THADA: variants seen among roughly 807,000 people sequenced by gnomAD.
The protein encoded by THADA is THADA armadillo repeat containing.
THADA carries 213 observed loss-of-function variants against 219.8 expected under a neutral mutation model. The ratio of observed to expected loss-of-function variants is 0.97; its 90% confidence interval spans 0.87 to 1.09. The LOEUF (loss-of-function observed/expected upper bound fraction) is 1.09. THADA is among the 50% of genes least tolerant of loss of function. The pLI is 0.00. For synonymous variants in THADA, 1,018 were observed against 828.9 expected (o/e 1.23, Z -3.92); for missense variants, 2,956 against 2,311.3 (o/e 1.28, Z -5.72).
chr2:43,504,724 A>C (rs1432349806), intron 24 of THADA, among the ~76,000 whole-genome samples: 1 of 151,262 alleles, frequency 6.6e-6, no homozygotes, highest in Non-Finnish European at 1.5e-5. Flanking sequence ...CAAACTCCTG[A>C]CCTCAGCTGA....
chr2:43,460,242 A>T (rs1448404862), intron 26 of THADA, among the ~76,000 whole-genome samples: 3 of 115,798 alleles, frequency 2.6e-5, no homozygotes, highest in African/African-American at 1.1e-4. Context: ...TCTTAATAAA[A>T]AAAAAAAAAA....
rs1699947108 is a variant in THADA, at chr2:43,577,184, C to G, written c.875G>C (p.Ser292Thr). The G allele has an allele frequency of 1.9e-6, 3 of 1,607,088 alleles. No individual in the cohort carries two copies. Among genetic ancestry groups the G allele is most frequent in the Non-Finnish European group, 2.5e-6 (3 of 1,176,898 alleles). ...DCTSVPEWFM[S>T]SCRSLCCGDI... ...ACCACAACAGAGGCTCCTGCAGCTGCTCATAAACCACTCGGGGACACTGGT... is the reference window on the plus strand; with the variant it reads ...ACCACAACAGAGGCTCCTGCAGCTGGTCATAAACCACTCGGGGACACTGGT... Residue 292 changes from serine (S) to threonine (T), a missense_variant, in exon 10 of 38, where the codon AGC becomes ACC. Coordinates refer to ENST00000405975, the MANE Select transcript of THADA (RefSeq NM_022065.5).
At chr2:43,385,183 A>G (rs1295140867) in intron 29 of THADA, among the ~76,000 whole-genome samples, 1 of 146,514 alleles carries the variant, frequency 6.8e-6, no homozygotes, top group African/African-American at 2.8e-5. Context: ...ACAAAAAAAC[A>G]AAAAACAATT....
chr2:43,583,708 G>A (rs1163638262), intron 7 of THADA, among the ~76,000 whole-genome samples: 1 of 152,124 alleles, frequency 6.6e-6, no homozygotes, highest in East Asian at 1.9e-4. Context: ...AACATACAAT[G>A]GGATATTATT....
chr2:43,592,086 C>A, intron 2 of THADA, 40 bp from the exon 3 acceptor site: 1 of 1,463,188 alleles, frequency 6.8e-7, no homozygotes, highest in Non-Finnish European at 9.2e-7. Context: ...AATGATTTAA[C>A]AGTGAGTTAA....
intron 28 of THADA, among the ~76,000 whole-genome samples, chr2:43,413,545 G>GAACA (rs1391337603): frequency 6.6e-6 from 1 of 152,134 alleles, no homozygotes; most frequent in Admixed American, 6.6e-5. Context: ...TCTAGTTGTG[G>GAACA]AACATATCAA....
chr2:43,592,517 G>T, intron 1 of THADA, 101 bp from the exon 2 acceptor site: 1 of 644,892 alleles, frequency 1.6e-6, no homozygotes, highest in Non-Finnish European at 2.6e-6. Flanking sequence ...ATCATCCTAT[G>T]CATTATGTTT....
intron 26 of THADA, among the ~76,000 whole-genome samples, chr2:43,481,044 G>A (rs556632902): frequency 4.6e-5 from 7 of 152,264 alleles, no homozygotes; most frequent in African/African-American, 1.2e-4. Flanking sequence ...AAACAATAGC[G>A]TGGGTAACCA....
chr2:43,367,225 T>C (rs1256779176), intron 29 of THADA, among the ~76,000 whole-genome samples: 1 of 152,216 alleles, frequency 6.6e-6, no homozygotes, highest in Non-Finnish European at 1.5e-5. Flanking sequence ...AGAGTTTCAG[T>C]TCTGCAAGAT....
chr2:43,303,628 G>A (rs1676507508), intron 31 of THADA, among the ~76,000 whole-genome samples: 1 of 150,460 alleles, frequency 6.6e-6, no homozygotes, highest in African/African-American at 2.4e-5. Context: ...CTTTAACAAG[G>A]GCATTCTGAA....
intron 15 of THADA, chr2:43,563,930 G>T (rs538709586): frequency 6.6e-6 from 1 of 152,110 alleles, no homozygotes; most frequent in Admixed American, 6.6e-5. Flanking sequence ...ACATAATTAC[G>T]ATGGCATTAA....
intron 28 of THADA, among the ~76,000 whole-genome samples, chr2:43,406,959 G>A (rs180873228): frequency 1.3e-5 from 2 of 152,274 alleles, no homozygotes; most frequent in Admixed American, 6.5e-5. Context: ...GTTTCTGCTC[G>A]GGCTACACAA....
intron 36 of THADA, among the ~76,000 whole-genome samples, chr2:43,278,626 A>G (rs1672995730): frequency 6.6e-6 from 1 of 152,216 alleles, no homozygotes; most frequent in Non-Finnish European, 1.5e-5. Context: ...AAGCTGATCT[A>G]GGCGAAACCT....
chr2:43,560,472 TA>T (rs1697928114), intron 15 of THADA, 87 bp from the exon 16 acceptor site: 8 of 1,016,192 alleles, frequency 7.9e-6, no homozygotes, highest in Non-Finnish European at 1.1e-5. Context: ...TTATAGAAAA[TA>T]AGTACCAAAA....
At chr2:43,373,284 C>G (rs970157263) in intron 29 of THADA, among the ~76,000 whole-genome samples, 3 of 152,018 alleles carry the variant, frequency 2.0e-5, no homozygotes, top group Admixed American at 1.3e-4. Flanking sequence ...AGAATTAAAA[C>G]AAAAAGCCCA....
At chr2:43,354,298 T>C (rs900364230) in intron 29 of THADA, among the ~76,000 whole-genome samples, 1 of 152,070 alleles carries the variant, frequency 6.6e-6, no homozygotes, top group African/African-American at 2.4e-5. Context: ...TATATATTTA[T>C]AGGGTACATA....
intron 21 of THADA, among the ~76,000 whole-genome samples, chr2:43,538,740 G>C (rs1179314908): frequency 6.6e-6 from 1 of 152,152 alleles, no homozygotes; most frequent in East Asian, 1.9e-4. Flanking sequence ...AACATCCAGG[G>C]TTCAGCTTCC....
intron 25 of THADA, 59 bp from the exon 26 acceptor site, chr2:43,485,384 T>C (rs1686790953): frequency 8.2e-7 from 1 of 1,225,606 alleles, no homozygotes; most frequent in Non-Finnish European, 1.2e-6. Context: ...AACCAACGTT[T>C]ACAATGTTCA....
chr2:43,586,821 G>C (rs1701075935), intron 5 of THADA, 33 bp downstream of exon 5: 1 of 1,612,226 alleles, frequency 6.2e-7, no homozygotes, highest in South Asian at 1.1e-5. Context: ...AGAGGGGTTA[G>C]CCAGAAAAAG....
Sources: allele counts gnomAD v4.1 joint callset (sites outside exome capture counted in the v4.1 genomes callset), GRCh38; gene constraint gnomAD v4.1.1; transcripts MANE v1.5; gene names NCBI Gene and HGNC (gene_info 2026-07-23, HGNC 2026-07-21).